The following TPH2 variants were observed in gnomAD, a reference collection of about 807,000 sequenced individuals.
TPH2 encodes tryptophan hydroxylase 2, also known as tryptophan 5-hydroxylase 2.
TPH2 carries 27 observed loss-of-function variants against 59.1 expected under a neutral mutation model. The ratio of observed to expected loss-of-function variants is 0.46; its 90% CI spans 0.34 to 0.63. The LOEUF (loss-of-function observed/expected upper bound fraction) is 0.63, where lower values mean the gene tolerates loss of function less well. TPH2 is among the 30% of genes least tolerant of loss of function. TPH2 has a pLI of 0.01. For synonymous variants in TPH2, 220 were observed against 210.5 expected (o/e 1.05, Z -0.39); for missense variants, 523 against 588.3 (o/e 0.89, Z 1.15).
At chr12:71,953,857 A>T (rs954508755) in intron 5 of TPH2, among the ~76,000 whole-genome samples, 3 of 152,218 alleles carry the variant, frequency 2.0e-5, no homozygotes, top group Non-Finnish European at 4.4e-5. Flanking sequence ...GAAGTCAAAC[A>T]TGTGGTCAGA....
chr12:71,991,107 T>G (rs567557721), intron 7 of TPH2, among the ~76,000 whole-genome samples: 15 of 152,346 alleles, frequency 9.8e-5, no homozygotes, highest in African/African-American at 3.6e-4. Context: ...TTTCTGATAA[T>G]GACGTCTTAA....
chr12:72,013,823 C>A lies in TPH2; in HGVS notation c.1069-8576C>A, dbSNP rs543925787. Among the ~76,000 whole-genome samples, 7 of 152,134 alleles carry A rather than the reference C, an allele frequency of 4.6e-5. 1 individual carries two copies. The highest frequency in any genetic ancestry group is 4.1e-4 in the South Asian group (2 of 4,820). On this transcript the variant is annotated intron_variant, in intron 8 of 10. Coordinates refer to ENST00000333850, the MANE Select transcript of TPH2 (RefSeq NM_173353.4). ...TTTGATGAAGTTGTGACCTACTGAT[C>A]GCTATGGACCAGCCCTAATGTCTTC...
chr12:71,995,577 A>G (rs1263846175), intron 8 of TPH2, among the ~76,000 whole-genome samples: 1 of 152,198 alleles, frequency 6.6e-6, no homozygotes, highest in African/African-American at 2.4e-5. Flanking sequence ...GAACTGGGAG[A>G]TATTTCTCAA....
chr12:71,992,544 C>T (rs933893815), intron 7 of TPH2, among the ~76,000 whole-genome samples: 2 of 151,594 alleles, frequency 1.3e-5, no homozygotes, highest in Non-Finnish European at 1.5e-5. Flanking sequence ...GTCCAGGCTG[C>T]GATGAGCTGT....
chr12:72,018,481 G>T (rs1163094087), intron 8 of TPH2, among the ~76,000 whole-genome samples: 1 of 152,092 alleles, frequency 6.6e-6, no homozygotes, highest in Non-Finnish European at 1.5e-5. Context: ...TTTTTCAGAG[G>T]CTCTCTTAGC....
intron 8 of TPH2, among the ~76,000 whole-genome samples, chr12:72,019,602 A>C (rs752853907): frequency 4.6e-5 from 7 of 152,148 alleles, no homozygotes; most frequent in South Asian, 2.1e-4. Context: ...TATTTGACAT[A>C]TTATATGGTT....
chr12:71,968,421 G>C (rs1017272550), intron 5 of TPH2, among the ~76,000 whole-genome samples: 6 of 152,194 alleles, frequency 3.9e-5, no homozygotes, highest in Admixed American at 2.0e-4. Flanking sequence ...TCTAGACTTT[G>C]CTGGGCATTA....
At chr12:72,016,777 T>C (rs1253101060) in intron 8 of TPH2, among the ~76,000 whole-genome samples, 1 of 152,192 alleles carries the variant, frequency 6.6e-6, no homozygotes, top group African/African-American at 2.4e-5. Flanking sequence ...CTCAGGAATT[T>C]ATTTCTTAAA....
At chr12:71,956,482 TCC>T (rs1871504434) in intron 5 of TPH2, among the ~76,000 whole-genome samples, 1 of 6,060 alleles carries the variant, frequency 1.7e-4, no homozygotes, top group Non-Finnish European at 4.0e-4. Flanking sequence ...CCTCCTTCCC[TCC>T]TTCCCTCCTT....
intron 8 of TPH2, among the ~76,000 whole-genome samples, chr12:72,013,062 G>A (rs1043303749): frequency 1.3e-5 from 2 of 152,072 alleles, no homozygotes; most frequent in South Asian, 2.1e-4. Flanking sequence ...CGCCTATGTC[G>A]ACATATTCTT....
At chr12:71,941,881 G>A in intron 2 of TPH2, 148 bp downstream of exon 2, 1 of 889,040 alleles carries the variant, frequency 1.1e-6, no homozygotes, top group Non-Finnish European at 1.8e-6. Context: ...CTTTAAAAGG[G>A]GAGTTGTCTG....
At chr12:72,015,315 GTTTTTTT>G (rs869231666) in intron 8 of TPH2, among the ~76,000 whole-genome samples, 8 of 98,974 alleles carry the variant, frequency 8.1e-5, no homozygotes, top group East Asian at 3.0e-4. Context: ...TTTTTTGGTT[GTTTTTTT>G]TTTTTTTTTT....
chr12:71,986,295 G>C (rs779835172), intron 7 of TPH2, among the ~76,000 whole-genome samples: 6 of 152,132 alleles, frequency 3.9e-5, no homozygotes, highest in Non-Finnish European at 7.3e-5. Flanking sequence ...TTCATGTGGA[G>C]GGATAATGTG....
At chr12:71,945,377 A>C (rs937569544) in intron 4 of TPH2, among the ~76,000 whole-genome samples, 1 of 152,110 alleles carries the variant, frequency 6.6e-6, no homozygotes, top group Admixed American at 6.5e-5. Flanking sequence ...AGAGTGAAGT[A>C]CAGTTAATAG....
intron 5 of TPH2, among the ~76,000 whole-genome samples, chr12:71,951,990 C>A (rs1247538242): frequency 6.6e-6 from 1 of 152,118 alleles, no homozygotes; most frequent in East Asian, 1.9e-4. Context: ...AAGGGACTAG[C>A]TCAAGGGTTA....
At chr12:72,020,847 G>C (rs1039938477) in intron 8 of TPH2, among the ~76,000 whole-genome samples, 2 of 152,064 alleles carry the variant, frequency 1.3e-5, no homozygotes, top group African/African-American at 2.4e-5. Context: ...TACTTCTGGA[G>C]GTTAAGCTCC....
At chr12:71,987,710 G>T (rs1200263765) in intron 7 of TPH2, among the ~76,000 whole-genome samples, 1 of 152,114 alleles carries the variant, frequency 6.6e-6, no homozygotes, top group Middle Eastern at 3.2e-3. Context: ...AAATTAGCCA[G>T]GGGTGGTGGC....
intron 7 of TPH2, among the ~76,000 whole-genome samples, chr12:71,991,818 A>C (rs149461222): frequency 6.6e-6 from 1 of 152,074 alleles, no homozygotes; most frequent in South Asian, 2.1e-4. Flanking sequence ...TCATGGTGTA[A>C]TTTTAGTGGA....
intron 5 of TPH2, among the ~76,000 whole-genome samples, chr12:71,972,251 A>T (rs1871992969): frequency 6.6e-6 from 1 of 152,236 alleles, no homozygotes. Context: ...TACTGACCTC[A>T]GTTTAAGAAC....
Sources: allele counts gnomAD v4.1 joint callset (sites outside exome capture counted in the v4.1 genomes callset), GRCh38; gene constraint gnomAD v4.1.1; transcripts MANE v1.5; gene names NCBI Gene and HGNC (gene_info 2026-07-23, HGNC 2026-07-21).